The following MCEE variants were observed in gnomAD, a reference collection of about 807,000 sequenced individuals.
MCEE encodes methylmalonyl-CoA epimerase, mitochondrial.
A neutral mutation model predicts 12.9 loss-of-function variants in MCEE; 6 were observed. The observed-to-expected ratio is 0.47, with a 90% CI of 0.26 to 0.92. MCEE has a LOEUF of 0.92. Ranked by LOEUF, MCEE falls within the 40% of genes least tolerant of loss-of-function variation. MCEE has a pLI of 0.16. For missense variants in MCEE, 214 were observed against 212.1 expected (o/e 1.01, Z -0.05); for synonymous variants, 78 against 77.9 (o/e 1.00, Z -0.01).
At chr2:71,114,109 A>G (rs1488081426) in intron 2 of MCEE, among the ~76,000 whole-genome samples, 1 of 152,196 alleles carries the variant, frequency 6.6e-6, no homozygotes, top group African/African-American at 2.4e-5. Context: ...AAACAAAAAA[A>G]CAAGGAAAGT....
At chr2:71,125,209 A>ATTTTT (rs1449400615) in intron 1 of MCEE, among the ~76,000 whole-genome samples, 34 of 48,180 alleles carry the variant, frequency 7.1e-4, no homozygotes, top group African/African-American at 1.4e-3. Context: ...ATATATATAT[A>ATTTTT]TATTTTTTTT....
rs1449400615 is a variant in MCEE, at chr2:71,125,209, A to ATTTTTTTT, written c.41-667_41-666insAAAAAAAA. On this transcript the variant is annotated intron_variant, in intron 1 of 2. Coordinates refer to ENST00000244217, the MANE Select transcript of MCEE (RefSeq NM_032601.4). Reference sequence around the variant, plus strand: ...TATAAATATATATATATATATATATATATTTTTTTTTTTTTTTGAGACGGA... The same window carrying ATTTTTTTT: ...TATAAATATATATATATATATATATATTTTTTTTTATTTTTTTTTTTTTTTGAGACGGA... Among the ~76,000 whole-genome samples, 160 of 48,162 alleles carry ATTTTTTTT rather than the reference A, an allele frequency of 3.3e-3. 2 individuals are homozygous for ATTTTTTTT. The highest frequency in any genetic ancestry group is 5.5e-3 in the Non-Finnish European group (114 of 20,558). The allele number at this position is 48,162 out of a possible 152,430, so 31.6% of individuals were successfully genotyped here. A position where few individuals can be genotyped will look rare whatever the true frequency, so the allele number is the denominator to read the frequency against.
At chr2:71,126,188 A>G (rs1466017505) in intron 1 of MCEE, among the ~76,000 whole-genome samples, 1 of 152,194 alleles carries the variant, frequency 6.6e-6, no homozygotes, top group Non-Finnish European at 1.5e-5. Context: ...TGATAGTTGC[A>G]CTAACCCAGT....
At chr2:71,113,512 T>C (rs1672930768) in intron 2 of MCEE, among the ~76,000 whole-genome samples, 1 of 152,026 alleles carries the variant, frequency 6.6e-6, no homozygotes, top group Non-Finnish European at 1.5e-5. Flanking sequence ...ATATAGAAGA[T>C]GAATTTGGAG....
chr2:71,115,239 C>T (rs1672967594), intron 2 of MCEE, among the ~76,000 whole-genome samples: 1 of 152,100 alleles, frequency 6.6e-6, no homozygotes, highest in South Asian at 2.1e-4. Context: ...ATCAATCAAT[C>T]AGTCAGGTGT....
chr2:71,129,948 C>CGCA (rs1273533687), intron 1 of MCEE: 3 of 616,976 alleles, frequency 4.9e-6, no homozygotes, highest in Non-Finnish European at 8.8e-6. Context: ...GAGCCCAAGG[C>CGCA]GCACAGCTCT....
At chr2:71,125,211 A>ATATATATATATATATATATTTTTT in intron 1 of MCEE, among the ~76,000 whole-genome samples, 3 of 48,596 alleles carry the variant, frequency 6.2e-5, no homozygotes, top group African/African-American at 6.0e-5. Flanking sequence ...ATATATATAT[A>ATATATATATATATATATATTTTTT]TTTTTTTTTT....
intron 1 of MCEE, among the ~76,000 whole-genome samples, chr2:71,129,288 T>C (rs1183596837): frequency 6.6e-6 from 1 of 152,184 alleles, no homozygotes; most frequent in East Asian, 1.9e-4. Context: ...TTTTCCCAAA[T>C]ATTCATTTAT....
At chr2:71,111,081 A>G (rs1672876490) in intron 2 of MCEE, among the ~76,000 whole-genome samples, 2 of 152,224 alleles carry the variant, frequency 1.3e-5, no homozygotes, top group Admixed American at 6.5e-5. Flanking sequence ...AAAACCAGTC[A>G]AACAGCTAAT....
At chr2:71,114,136 T>C (rs563357457) in intron 2 of MCEE, among the ~76,000 whole-genome samples, 29 of 151,712 alleles carry the variant, frequency 1.9e-4, no homozygotes, top group African/African-American at 6.5e-4. Context: ...AACTGCCACA[T>C]GCAAGAGGAG....
intron 1 of MCEE, among the ~76,000 whole-genome samples, chr2:71,127,672 G>A (rs889088448): frequency 6.6e-6 from 1 of 152,254 alleles, no homozygotes; most frequent in African/African-American, 2.4e-5. Context: ...TGTAGCCCAG[G>A]CTGGAGTGCA....
intron 2 of MCEE, among the ~76,000 whole-genome samples, chr2:71,119,239 C>T (rs1188990636): frequency 6.6e-6 from 1 of 150,424 alleles, no homozygotes; most frequent in Non-Finnish European, 1.5e-5. Flanking sequence ...ATCACCACAC[C>T]TGGATGGTGG....
At chr2:71,119,132 T>C (rs1673050913) in intron 2 of MCEE, among the ~76,000 whole-genome samples, 1 of 150,424 alleles carries the variant, frequency 6.6e-6, no homozygotes, top group Admixed American at 6.6e-5. Context: ...ATTTCCTTTT[T>C]TGTTTTTGGT....
At chr2:71,130,093 T>C (rs1322041757) in intron 1 of MCEE, 87 bp downstream of exon 1, 26 of 1,361,016 alleles carry the variant, frequency 1.9e-5, no homozygotes, top group Non-Finnish European at 2.7e-5. Context: ...TCAAGGTGCT[T>C]TGGCCACGCC....
chr2:71,115,235 C>T (rs917685149), intron 2 of MCEE, among the ~76,000 whole-genome samples: 2 of 152,082 alleles, frequency 1.3e-5, no homozygotes, highest in Non-Finnish European at 1.5e-5. Flanking sequence ...TATAATCAAT[C>T]AATCAGTCAG....
At chr2:71,118,863 G>A (rs930387917) in intron 2 of MCEE, among the ~76,000 whole-genome samples, 1 of 149,826 alleles carries the variant, frequency 6.7e-6, no homozygotes, top group African/African-American at 2.5e-5. Flanking sequence ...ATGCTCCCTT[G>A]GGCACAAACG....
chr2:71,124,421 C>G lies in MCEE; in HGVS notation c.163G>C (p.Val55Leu). The G allele has an allele frequency of 6.2e-7, 1 of 1,614,180 alleles. No homozygotes were observed. Among genetic ancestry groups the G allele is most frequent in the Admixed American group, 1.7e-5 (1 of 60,028 alleles). ...GCTGCAGCCTTTTCCAAATCTGGCA[C>G]TGCTATGGCTACATGGTTGAGTCGA... ...LGRLNHVAIA[V>L]PDLEKAAAFY... The change falls in exon 2 of 3, where the codon GTG (valine) becomes CTG (leucine). Residue 55 changes from valine (V) to leucine (L), a missense_variant. Coordinates refer to ENST00000244217, the MANE Select transcript of MCEE (RefSeq NM_032601.4).
chr2:71,118,048 CT>C (rs1296648312), intron 2 of MCEE, among the ~76,000 whole-genome samples: 2 of 150,362 alleles, frequency 1.3e-5, no homozygotes, highest in East Asian at 3.9e-4. Flanking sequence ...TGCAGTCCTC[CT>C]TGCCTTTTGT....
intron 2 of MCEE, among the ~76,000 whole-genome samples, chr2:71,122,576 C>T (rs539183742): frequency 1.3e-5 from 2 of 152,296 alleles, no homozygotes; most frequent in African/African-American, 4.8e-5. Flanking sequence ...TGGATGGCAG[C>T]AGGCAAAGAG....
Sources: gnomAD v4.1 joint callset for allele counts (sites outside exome capture counted in the v4.1 genomes callset) on GRCh38, gnomAD v4.1.1 for gene constraint, MANE v1.5 for transcripts, NCBI Gene and HGNC (gene_info 2026-07-23, HGNC 2026-07-21) for gene names.